Variants in CNTNAP5 observed in about 807,000 individuals in gnomAD.
CNTNAP5 encodes the protein contactin associated protein family member 5.
In CNTNAP5, 72 loss-of-function variants were observed where a neutral mutation model predicts 150.2. The ratio of observed to expected loss-of-function variants is 0.48; its 90% CI spans 0.40 to 0.58. The LOEUF is 0.58. Among genes scored for constraint, CNTNAP5 ranks in the 20% least tolerant of loss-of-function variants. The pLI, the probability that CNTNAP5 is intolerant of heterozygous loss-of-function variation, is 0.00. For missense variants in CNTNAP5, 1,636 were observed against 1,626.2 expected (o/e 1.01, Z -0.10); for synonymous variants, 672 against 619.8 (o/e 1.08, Z -1.25).
chr2:124,611,522 G>T (rs183197604), intron 12 of CNTNAP5, among the ~76,000 whole-genome samples: 106 of 152,232 alleles, frequency 7.0e-4, no homozygotes, highest in African/African-American at 2.5e-3. Context: ...TTTCATGGTT[G>T]TGGTAACCTA....
At chr2:124,584,068 C>T (rs1437533472) in intron 11 of CNTNAP5, among the ~76,000 whole-genome samples, 1 of 152,174 alleles carries the variant, frequency 6.6e-6, no homozygotes, top group Non-Finnish European at 1.5e-5. Flanking sequence ...ATCACTTCAC[C>T]TGCTCCCACA....
Position 124,504,318 on chromosome 2 carries a change from A to G in CNTNAP5, c.1089A>G (p.Glu363=), listed in dbSNP as rs751790814. ...GCAATGTCACTTTTTCCTGCTCCGA[A>G]CCACAGATTGTGCCCATCACATTTG... is the stretch of plus-strand genomic sequence containing the variant. ...TVGNVTFSCS[E]PQIVPITFVN... is the part of the protein sequence containing the mutation. Residue 363 remains glutamate, a synonymous_variant, in exon 8 of 24, where the codon GAA becomes GAG. Coordinates refer to ENST00000682447, the MANE Select transcript of CNTNAP5 (RefSeq NM_001367498.1). 6.2e-7 allele frequency: 1 copy of G among 1,613,558 alleles called. No homozygotes were observed. Among genetic ancestry groups the G allele is most frequent in the Non-Finnish European group, 8.5e-7 (1 of 1,179,554 alleles).
At chr2:124,177,319 CTTT>C in intron 1 of CNTNAP5, among the ~76,000 whole-genome samples, 1 of 152,226 alleles carries the variant, frequency 6.6e-6, no homozygotes, top group South Asian at 2.1e-4. Context: ...CAGAGAAAAT[CTTT>C]TGTTTCTGAG....
At chr2:124,272,927 A>G (rs1687796666) in intron 3 of CNTNAP5, among the ~76,000 whole-genome samples, 1 of 152,226 alleles carries the variant, frequency 6.6e-6, no homozygotes, top group Non-Finnish European at 1.5e-5. Flanking sequence ...TTGGATGAAC[A>G]AATGCATGAC....
chr2:124,337,806 G>A (rs1452722087), intron 3 of CNTNAP5, among the ~76,000 whole-genome samples: 2 of 151,808 alleles, frequency 1.3e-5, no homozygotes, highest in Non-Finnish European at 2.9e-5. Flanking sequence ...GTCAGGTAGT[G>A]TGATGCCTCC....
chr2:124,259,362 G>T (rs1345430737), intron 3 of CNTNAP5, among the ~76,000 whole-genome samples: 1 of 151,968 alleles, frequency 6.6e-6, no homozygotes, highest in Non-Finnish European at 1.5e-5. Context: ...TAATCCATTG[G>T]GTATATACCC....
intron 11 of CNTNAP5, among the ~76,000 whole-genome samples, chr2:124,584,130 C>T (rs1481977846): frequency 1.3e-5 from 2 of 152,172 alleles, no homozygotes; most frequent in African/African-American, 4.8e-5. Context: ...TCCAAACAGC[C>T]TACTTCTCTG....
intron 19 of CNTNAP5, among the ~76,000 whole-genome samples, chr2:124,819,570 A>G (rs1248572810): frequency 6.6e-6 from 1 of 152,164 alleles, no homozygotes; most frequent in East Asian, 1.9e-4. Context: ...TGTGAAATTA[A>G]CATTATCTTC....
At chr2:124,613,937 A>C (rs566975676) in intron 12 of CNTNAP5, among the ~76,000 whole-genome samples, 5 of 152,304 alleles carry the variant, frequency 3.3e-5, no homozygotes, top group Admixed American at 6.5e-5. Context: ...AAGTTGCTTC[A>C]CCACAGGGCT....
chr2:124,837,851 T>C (rs1682862168), intron 19 of CNTNAP5, among the ~76,000 whole-genome samples: 1 of 152,120 alleles, frequency 6.6e-6, no homozygotes, highest in South Asian at 2.1e-4. Flanking sequence ...ACACATTCAA[T>C]TGATATCAAT....
At chr2:124,805,509 C>T (rs879498425) in intron 19 of CNTNAP5, among the ~76,000 whole-genome samples, 17 of 152,072 alleles carry the variant, frequency 1.1e-4, no homozygotes, top group Non-Finnish European at 1.5e-4. Flanking sequence ...CAGCATGTGC[C>T]AGCATCAAAG....
intron 12 of CNTNAP5, among the ~76,000 whole-genome samples, chr2:124,619,908 CATATATATATATATATAT>C (rs10540154): frequency 0.47 from 54,794 of 115,480 alleles, 13,656 homozygotes; most frequent in Non-Finnish European, 0.56. Flanking sequence ...CTGTCTCATT[CATATATATATATATATAT>C]ATATATATAT....
At chr2:124,836,549 A>G (rs1396519322) in intron 19 of CNTNAP5, among the ~76,000 whole-genome samples, 5 of 152,196 alleles carry the variant, frequency 3.3e-5, no homozygotes, top group Non-Finnish European at 7.4e-5. Context: ...CATAGTGGCT[A>G]TCATGCTCCC....
At chr2:124,880,550 G>A (rs573084150) in intron 21 of CNTNAP5, among the ~76,000 whole-genome samples, 1 of 152,028 alleles carries the variant, frequency 6.6e-6, no homozygotes, top group Middle Eastern at 3.4e-3. Context: ...CTTGCACAGA[G>A]CATGCCTCCC....
At chr2:124,345,322 T>C (rs1470794046) in intron 3 of CNTNAP5, among the ~76,000 whole-genome samples, 2 of 152,200 alleles carry the variant, frequency 1.3e-5, no homozygotes, top group African/African-American at 4.8e-5. Context: ...AGGCAGTGCT[T>C]CCTAGAGCTT....
At chr2:124,806,737 G>A (rs1334021379) in intron 19 of CNTNAP5, among the ~76,000 whole-genome samples, 3 of 152,174 alleles carry the variant, frequency 2.0e-5, no homozygotes, top group African/African-American at 4.8e-5. Flanking sequence ...TTCTTCATCT[G>A]TAAATGTGGG....
At chr2:124,316,819 A>G (rs12992666) in intron 3 of CNTNAP5, among the ~76,000 whole-genome samples, 2 of 149,732 alleles carry the variant, frequency 1.3e-5, no homozygotes, top group African/African-American at 2.5e-5. Flanking sequence ...AAAAAAAAAA[A>G]AAAAAAAAAG....
At chr2:124,294,979 T>C (rs1245570452) in intron 3 of CNTNAP5, among the ~76,000 whole-genome samples, 1 of 151,928 alleles carries the variant, frequency 6.6e-6, no homozygotes, top group East Asian at 1.9e-4. Flanking sequence ...GGTGGCGGGA[T>C]TACAGGCACC....
At chr2:124,338,268 T>C (rs1445898509) in intron 3 of CNTNAP5, among the ~76,000 whole-genome samples, 1 of 152,188 alleles carries the variant, frequency 6.6e-6, no homozygotes. Context: ...GATTTTGGGC[T>C]GAGACGATGG....
Sources: gnomAD v4.1 joint callset for allele counts (sites outside exome capture counted in the v4.1 genomes callset) on GRCh38, gnomAD v4.1.1 for gene constraint, MANE v1.5 for transcripts, NCBI Gene and HGNC (gene_info 2026-07-23, HGNC 2026-07-21) for gene names.